MAPKAP1: variants seen among roughly 807,000 people sequenced by gnomAD.
MAPKAP1 encodes the protein target of rapamycin complex 2 subunit MAPKAP1.
Under a neutral mutation model 65.7 loss-of-function variants are expected in MAPKAP1, and 20 were observed. The observed-to-expected ratio is 0.30, with a 90% CI of 0.21 to 0.44. The LOEUF is 0.44. Ranked by LOEUF, MAPKAP1 falls within the 20% of genes least tolerant of loss-of-function variation. The pLI is 1.00. For missense variants in MAPKAP1, 423 were observed against 648.0 expected (o/e 0.65, Z 3.77); for synonymous variants, 222 against 244.3 (o/e 0.91, Z 0.85).
chr9:125,565,622 T>C, intron 5 of MAPKAP1: 1 of 378,230 alleles, frequency 2.6e-6, no homozygotes, highest in Non-Finnish European at 5.3e-6. Flanking sequence ...ATCTCTGAAA[T>C]CAGAGAAAAG....
intron 1 of MAPKAP1, among the ~76,000 whole-genome samples, chr9:125,693,666 C>CATATACACGTAT (rs1267105244): frequency 1.3e-4 from 18 of 134,378 alleles, no homozygotes; most frequent in Admixed American, 9.1e-4. Flanking sequence ...CATACACACA[C>CATATACACGTAT]ATATACACGT....
At chr9:125,606,208 AG>A (rs1370024538) in intron 4 of MAPKAP1, among the ~76,000 whole-genome samples, 1 of 144,444 alleles carries the variant, frequency 6.9e-6, no homozygotes, top group East Asian at 1.9e-4. Context: ...AGAGGAAGGC[AG>A]GGAGGGAAGA....
intron 10 of MAPKAP1, among the ~76,000 whole-genome samples, chr9:125,459,790 CAGAGGGAGACCGTGGAAAGAGAGGG>C (rs1201711656): frequency 1.9e-4 from 17 of 91,260 alleles, no homozygotes; most frequent in Non-Finnish European, 3.8e-4. Flanking sequence ...GGCTCGGCAT[CAGAGGGAGACCGTGGAAAGAGAGGG>C]AGAGGGAGAC....
chr9:125,687,901 C>T (rs1254892381), intron 1 of MAPKAP1, among the ~76,000 whole-genome samples: 1 of 152,194 alleles, frequency 6.6e-6, no homozygotes, highest in African/African-American at 2.4e-5. Flanking sequence ...AATAAATAAG[C>T]TGTCAACTAT....
At chr9:125,523,615 C>T (rs181411352) in intron 7 of MAPKAP1, among the ~76,000 whole-genome samples, 62 of 152,282 alleles carry the variant, frequency 4.1e-4, no homozygotes, top group African/African-American at 1.3e-3. Flanking sequence ...TTAGCTGTTA[C>T]GATGCTAGAG....
At chr9:125,459,832 A>AAGAGAG (rs1350469687) in intron 10 of MAPKAP1, among the ~76,000 whole-genome samples, 31 of 36,492 alleles carry the variant, frequency 8.5e-4, no homozygotes, top group African/African-American at 5.4e-3. Flanking sequence ...AGACCGTGGA[A>AAGAGAG]AGAGAGGGAG....
chr9:125,519,763 GGCC>G (rs1191359631), intron 7 of MAPKAP1, among the ~76,000 whole-genome samples: 1 of 151,644 alleles, frequency 6.6e-6, no homozygotes, highest in Non-Finnish European at 1.5e-5. Context: ...TTATCACCAT[GGCC>G]TGATAACTAT....
rs1401034229 is a variant in MAPKAP1 at position 125,437,888 on chromosome 9, C to T, written c.*999G>A. Reference sequence around the variant, plus strand: ...ATCTGATCCCTTGCCTGTTCCCACCCAGGGAGCCGGACGGCACGGACACAG... The same window carrying T: ...ATCTGATCCCTTGCCTGTTCCCACCTAGGGAGCCGGACGGCACGGACACAG... On this transcript the variant is annotated 3_prime_UTR_variant, in exon 12 of 12. Coordinates refer to ENST00000265960, the MANE Select transcript of MAPKAP1 (RefSeq NM_001006617.3). 6.6e-6 allele frequency: 1 copy of T among 152,606 alleles called. No individual in the cohort carries two copies. Among genetic ancestry groups the T allele is most frequent in the African/African-American group, 2.4e-5 (1 of 41,468 alleles). The allele number at this position is 152,606 out of a possible 1,614,324, so 9.5% of individuals were successfully genotyped here. A position where few individuals can be genotyped will look rare whatever the true frequency, so the allele number is the denominator to read the frequency against.
intron 10 of MAPKAP1, 127 bp downstream of exon 10, chr9:125,467,845 G>T: frequency 2.0e-6 from 2 of 1,014,462 alleles, no homozygotes; most frequent in Non-Finnish European, 2.9e-6. Context: ...AGAAATTTCT[G>T]GTAATGAATT....
intron 4 of MAPKAP1, among the ~76,000 whole-genome samples, chr9:125,623,181 C>A (rs541650847): frequency 0.02 from 2,840 of 141,558 alleles, 100 homozygotes; most frequent in African/African-American, 0.07. Flanking sequence ...CTTGGCCTCC[C>A]AAAGTGCCGA....
chr9:125,440,327 G>A (rs1852433078), intron 11 of MAPKAP1, among the ~76,000 whole-genome samples: 1 of 152,228 alleles, frequency 6.6e-6, no homozygotes, highest in African/African-American at 2.4e-5. Flanking sequence ...AGGTCACAAA[G>A]CTAGAAGGTG....
intron 10 of MAPKAP1, among the ~76,000 whole-genome samples, chr9:125,453,584 A>G (rs1308251478): frequency 6.6e-6 from 1 of 152,214 alleles, no homozygotes; most frequent in Non-Finnish European, 1.5e-5. Flanking sequence ...GATAAATGGT[A>G]TTTTCTTAAA....
chr9:125,441,431 G>A (rs939045327), intron 11 of MAPKAP1, among the ~76,000 whole-genome samples: 1 of 152,188 alleles, frequency 6.6e-6, no homozygotes, highest in African/African-American at 2.4e-5. Context: ...CTACATTCTG[G>A]AGGGCGGTCA....
At chr9:125,685,183 G>A (rs1272967301) in intron 1 of MAPKAP1, among the ~76,000 whole-genome samples, 1 of 152,012 alleles carries the variant, frequency 6.6e-6, no homozygotes, top group Non-Finnish European at 1.5e-5. Context: ...GCAGGACAAA[G>A]AAGTAAATTA....
chr9:125,527,299 C>CGGA (rs1829801081), intron 7 of MAPKAP1, among the ~76,000 whole-genome samples: 1 of 152,142 alleles, frequency 6.6e-6, no homozygotes, highest in African/African-American at 2.4e-5. Flanking sequence ...AACTCCTGAC[C>CGGA]TCCTGATCCA....
chr9:125,472,065 G>C (rs1331644970), intron 9 of MAPKAP1, among the ~76,000 whole-genome samples: 1 of 152,186 alleles, frequency 6.6e-6, no homozygotes, highest in Non-Finnish European at 1.5e-5. Context: ...CAAGTAACTT[G>C]CCTAAGATCA....
chr9:125,492,625 G>C (rs146183664), intron 8 of MAPKAP1, among the ~76,000 whole-genome samples: 1 of 152,154 alleles, frequency 6.6e-6, no homozygotes, highest in Admixed American at 6.5e-5. Flanking sequence ...TGAACTCACC[G>C]TATATTACTG....
intron 1 of MAPKAP1, among the ~76,000 whole-genome samples, chr9:125,689,508 AG>A (rs1835099750): frequency 7.0e-6 from 1 of 142,110 alleles, no homozygotes; most frequent in African/African-American, 2.6e-5. Context: ...GCACTTTGGG[AG>A]GCTTAAGGAG....
In MAPKAP1 at chr9:125,438,541, T is replaced by G. The variant is rs1376832056; in HGVS notation, c.*346A>C. The G allele has an allele frequency of 2.4e-6, 1 of 411,672 alleles. No homozygotes were observed. The highest frequency in any genetic ancestry group is 2.0e-5 in the African/African-American group (1 of 48,958). The allele number at this position is 411,672 out of a possible 1,614,324, so 25.5% of individuals were successfully genotyped here. A position where few individuals can be genotyped will look rare whatever the true frequency, so the allele number is the denominator to read the frequency against. On this transcript the variant is annotated 3_prime_UTR_variant, in exon 12 of 12. Coordinates refer to ENST00000265960, the MANE Select transcript of MAPKAP1 (RefSeq NM_001006617.3). Reference sequence around the variant, plus strand: ...TTTTTGTTGTTTGCTTTAAGAAATTTGATCAAGTTGCAAGGAAATGTGTGG... The same window carrying G: ...TTTTTGTTGTTTGCTTTAAGAAATTGGATCAAGTTGCAAGGAAATGTGTGG...
Sources: allele counts gnomAD v4.1 joint callset (sites outside exome capture counted in the v4.1 genomes callset), GRCh38; gene constraint gnomAD v4.1.1; transcripts MANE v1.5; gene names NCBI Gene and HGNC (gene_info 2026-07-23, HGNC 2026-07-21).